The following LRRC37A2 variants were observed in gnomAD, a reference collection of about 807,000 sequenced individuals.
LRRC37A2 encodes the protein leucine-rich repeat-containing protein 37A2.
A neutral mutation model predicts 68.8 loss-of-function variants in LRRC37A2; 9 were observed. The observed-to-expected ratio is 0.13, with a 90% CI of 0.08 to 0.23. LRRC37A2 has a LOEUF of 0.23. Among genes scored for constraint, LRRC37A2 ranks in the 10% least tolerant of loss-of-function variants. LRRC37A2 has a pLI of 1.00. For missense variants in LRRC37A2, 168 were observed against 950.4 expected, an observed-to-expected ratio of 0.18 and a Z score of 10.82; for synonymous variants, 63 against 367.6, an observed-to-expected ratio of 0.17 and a Z score of 9.48.
chr17:46,819,486 C>G, the LRRC37A2 span, among the ~76,000 whole-genome samples: 1 of 152,170 alleles, frequency 6.6e-6, no homozygotes, highest in Non-Finnish European at 1.5e-5. The surrounding 1 kb of genome is among the most constrained non-coding windows in gnomAD (Gnocchi z 5.3). Context: ...GGGGTTCAGG[C>G]CCGACCTCTG....
chr17:46,868,457 G>T, the LRRC37A2 span, among the ~76,000 whole-genome samples: 1 of 152,082 alleles, frequency 6.6e-6, no homozygotes, highest in Non-Finnish European at 1.5e-5. Flanking sequence ...ATAGCTGGGC[G>T]TGGTGGCACG....
At chr17:46,766,058 A>AG in the LRRC37A2 span, among the ~76,000 whole-genome samples, 1 of 152,154 alleles carries the variant, frequency 6.6e-6, no homozygotes, top group East Asian at 1.9e-4. Flanking sequence ...CATAAGATTG[A>AG]GGAAAAAAAA....
At chr17:46,892,672 C>T in the LRRC37A2 span, among the ~76,000 whole-genome samples, 1 of 152,134 alleles carries the variant, frequency 6.6e-6, no homozygotes, top group Non-Finnish European at 1.5e-5. Flanking sequence ...AAAATTCTTC[C>T]CCTTCTTTCT....
At chr17:46,795,748 C>G in the LRRC37A2 span, among the ~76,000 whole-genome samples, 1 of 152,188 alleles carries the variant, frequency 6.6e-6, no homozygotes, top group African/African-American at 2.4e-5. Context: ...CCAGCCCCAC[C>G]CGGGGATCTC....
At chr17:46,764,945 G>A in the LRRC37A2 span, among the ~76,000 whole-genome samples, 20 of 152,362 alleles carry the variant, frequency 1.3e-4, no homozygotes, top group African/African-American at 4.1e-4. Context: ...GTGCCTGGCC[G>A]AGGGCCCAGT....
the LRRC37A2 span, chr17:46,978,213 G>T: frequency 5.3e-6 from 1 of 190,040 alleles, no homozygotes; most frequent in South Asian, 1.3e-4. Flanking sequence ...CTTTCCAAAC[G>T]CAAGATCAGG....
chr17:46,980,760 G>A, the LRRC37A2 span, among the ~76,000 whole-genome samples: 3 of 151,774 alleles, frequency 2.0e-5, no homozygotes, highest in Non-Finnish European at 4.4e-5. Context: ...GTGAACCCGG[G>A]AGGTGAAGCT....
At chr17:46,937,565 A>G in the LRRC37A2 span, 1 of 152,234 alleles carries the variant, frequency 6.6e-6, no homozygotes, top group South Asian at 2.1e-4. Context: ...CACCTCTGAA[A>G]GATCCCTCGT....
chr17:46,936,749 CA>C, the LRRC37A2 span: 3 of 982,676 alleles, frequency 3.1e-6, no homozygotes, highest in Non-Finnish European at 3.6e-6. Context: ...AGGACTTTAG[CA>C]AGAGTCTGAT....
At chr17:47,000,003 TAAAA>T in the LRRC37A2 span, among the ~76,000 whole-genome samples, 11 of 8,542 alleles carry the variant, frequency 1.3e-3, no homozygotes, top group Non-Finnish European at 1.4e-3. Flanking sequence ...CATCTCAAAA[TAAAA>T]TAAAATAAAA....
the LRRC37A2 span, among the ~76,000 whole-genome samples, chr17:46,948,341 G>A: frequency 1.3e-5 from 2 of 152,218 alleles, no homozygotes; most frequent in East Asian, 1.9e-4. Context: ...TTGTTCACTA[G>A]CATTGCATAG....
At chr17:47,030,827 G>C in the LRRC37A2 span, among the ~76,000 whole-genome samples, 3 of 151,968 alleles carry the variant, frequency 2.0e-5, no homozygotes, top group African/African-American at 7.2e-5. Context: ...ATTTTGTGGT[G>C]TTTGTAAGTT....
At chr17:46,982,227 G>A in the LRRC37A2 span, among the ~76,000 whole-genome samples, 1 of 152,126 alleles carries the variant, frequency 6.6e-6, no homozygotes, top group Non-Finnish European at 1.5e-5. Context: ...TGGCCCAATT[G>A]GATTTCTGTA....
the LRRC37A2 span, among the ~76,000 whole-genome samples, chr17:46,413,513 CACACACACAT>C: frequency 4.1e-5 from 1 of 24,628 alleles, no homozygotes; most frequent in African/African-American, 5.9e-5. Context: ...CACACACACA[CACACACACAT>C]CTTTTATCCT....
chr17:46,786,047 T>G, the LRRC37A2 span, among the ~76,000 whole-genome samples: 16 of 147,224 alleles, frequency 1.1e-4, no homozygotes, highest in Admixed American at 2.8e-4. Flanking sequence ...GTGCTTTTTC[T>G]TTCTTTCTTA....
the LRRC37A2 span, among the ~76,000 whole-genome samples, chr17:46,779,053 T>TCACACACACACACACACA: frequency 0.027 from 2,680 of 100,554 alleles, 109 homozygotes; most frequent in Non-Finnish European, 0.033. Context: ...CCCTACCCCA[T>TCACACACACACACACACA]CACACACACA....
chr17:46,923,355 T>G, the LRRC37A2 span: 1 of 1,506,398 alleles, frequency 6.6e-7, no homozygotes, highest in Non-Finnish European at 8.9e-7. Flanking sequence ...TGGGGATGCC[T>G]CCGAAGTGCT....
the LRRC37A2 span, among the ~76,000 whole-genome samples, chr17:47,044,045 CA>C: frequency 0.059 from 2,956 of 49,910 alleles, 21 homozygotes; most frequent in African/African-American, 0.088. Context: ...GACTCCATCT[CA>C]AAAAAAAAAA....
the LRRC37A2 span, among the ~76,000 whole-genome samples, chr17:46,870,391 T>C: frequency 0.27 from 40,462 of 151,940 alleles, 6,224 homozygotes; most frequent in East Asian, 0.52. Flanking sequence ...ACTCTGAGGA[T>C]TTCCTGCCAG....
Sources: allele counts gnomAD v4.1 joint callset (sites outside exome capture counted in the v4.1 genomes callset), GRCh38; gene constraint gnomAD v4.1.1; non-coding constraint Gnocchi (gnomAD v3.1); transcripts MANE v1.5; gene names NCBI Gene and HGNC (gene_info 2026-07-23, HGNC 2026-07-21).